Variants in NBAS observed in about 807,000 individuals in gnomAD.
The protein encoded by NBAS is NAG/BC035112 fusion.
NBAS carries 219 observed loss-of-function variants against 302.5 expected under a neutral mutation model. That is an observed-to-expected ratio of 0.72 (90% CI 0.65 to 0.81). NBAS has a LOEUF of 0.81. NBAS is among the 30% of genes least tolerant of loss of function. NBAS has a pLI of 0.00. For synonymous variants in NBAS, 1,118 were observed against 1,021.6 expected (o/e 1.09, Z -1.80); for missense variants, 2,932 against 2,841.6 (o/e 1.03, Z -0.72).
the NBAS span, among the ~76,000 whole-genome samples, chr2:14,879,579 G>A: frequency 6.6e-6 from 1 of 152,010 alleles, no homozygotes; most frequent in African/African-American, 2.4e-5. Context: ...ACCAAGATTT[G>A]TGATTAAGGA....
chr2:15,181,908 A>C (rs1664843518), intron 50 of NBAS, among the ~76,000 whole-genome samples: 1 of 152,216 alleles, frequency 6.6e-6, no homozygotes, highest in Admixed American at 6.5e-5. Flanking sequence ...GCAGAGACCG[A>C]GGGGCTTATC....
At chr2:15,375,535 C>G (rs146179469) in intron 30 of NBAS, among the ~76,000 whole-genome samples, 5 of 152,090 alleles carry the variant, frequency 3.3e-5, no homozygotes, top group African/African-American at 1.2e-4. Context: ...AGCCTGCTCT[C>G]GTAAAACTGG....
the NBAS span, among the ~76,000 whole-genome samples, chr2:15,113,139 A>G: frequency 2.0e-5 from 3 of 152,132 alleles, no homozygotes; most frequent in East Asian, 1.9e-4. Flanking sequence ...TGAATGTGGG[A>G]TAGAGAAATA....
intron 14 of NBAS, 95 bp from the exon 15 acceptor site, chr2:15,474,419 G>A (rs926166825): frequency 2.4e-6 from 3 of 1,273,440 alleles, no homozygotes; most frequent in Admixed American, 2.5e-5. Flanking sequence ...ATCTACTCTG[G>A]TTTGATTCAT....
At chr2:15,070,325 C>T in the NBAS span, among the ~76,000 whole-genome samples, 4,141 of 152,248 alleles carry the variant, frequency 0.027, 168 homozygotes, top group African/African-American at 0.094. Context: ...AGGGTCCACC[C>T]TGGTCCCTCT....
At chr2:15,287,027 T>C in intron 42 of NBAS, 46 bp downstream of exon 42, 1 of 1,472,370 alleles carries the variant, frequency 6.8e-7, no homozygotes, top group East Asian at 2.3e-5. Context: ...AAATAGACTC[T>C]AAAGAAAGAC....
chr2:15,415,773 C>T (rs552756849), intron 24 of NBAS, 54 bp from the exon 25 acceptor site: 5 of 1,585,838 alleles, frequency 3.2e-6, no homozygotes, highest in Admixed American at 3.3e-5. Flanking sequence ...AAACTAAATG[C>T]CTTATTATAT....
At chr2:15,098,413 ATATTGTATATTATATATTATATATTG>A in the NBAS span, among the ~76,000 whole-genome samples, 1 of 101,400 alleles carries the variant, frequency 9.9e-6, no homozygotes, top group Non-Finnish European at 1.7e-5. Context: ...TATATATGAT[ATATTGTATATTATATATTATATATTG>A]TATATTGTAT....
chr2:15,257,458 T>C (rs1668654364), intron 44 of NBAS, among the ~76,000 whole-genome samples: 1 of 149,872 alleles, frequency 6.7e-6, no homozygotes, highest in African/African-American at 2.4e-5. Context: ...AGTGGCACAA[T>C]CTTGGTTCAC....
At chr2:15,492,122 G>A (rs1680882852) in intron 11 of NBAS, among the ~76,000 whole-genome samples, 1 of 152,136 alleles carries the variant, frequency 6.6e-6, no homozygotes, top group African/African-American at 2.4e-5. Flanking sequence ...CACAAAAGTA[G>A]AAATTACAGT....
the NBAS span, among the ~76,000 whole-genome samples, chr2:14,965,521 A>T: frequency 5.3e-5 from 8 of 152,344 alleles, no homozygotes; most frequent in Admixed American, 5.2e-4. Flanking sequence ...AAAGAAAGTG[A>T]ATTTGCAGTT....
At chr2:15,097,862 C>A in the NBAS span, among the ~76,000 whole-genome samples, 2 of 138,362 alleles carry the variant, frequency 1.4e-5, no homozygotes, top group South Asian at 2.2e-4. Context: ...ATGTAAAGCA[C>A]CTAACACATG....
At chr2:15,476,895 G>A (rs945387582) in intron 13 of NBAS, among the ~76,000 whole-genome samples, 1 of 152,250 alleles carries the variant, frequency 6.6e-6, no homozygotes, top group African/African-American at 2.4e-5. Context: ...TTAAACATTA[G>A]ACTAAGAAGA....
chr2:15,196,729 C>T (rs900371502), intron 48 of NBAS, among the ~76,000 whole-genome samples: 1 of 152,144 alleles, frequency 6.6e-6, no homozygotes. Flanking sequence ...ATAATGTTTA[C>T]ACTTGGATGA....
At chr2:14,948,432 A>T in the NBAS span, among the ~76,000 whole-genome samples, 3 of 152,264 alleles carry the variant, frequency 2.0e-5, no homozygotes, top group East Asian at 5.8e-4. Context: ...TACAAAAATC[A>T]GTAGCATTTA....
chr2:15,536,672 A>G, intron 7 of NBAS, 121 bp from the exon 8 acceptor site: 1 of 941,722 alleles, frequency 1.1e-6, no homozygotes, highest in African/African-American at 1.7e-5. Flanking sequence ...AGATAACTTC[A>G]GAATTGCTCT....
chr2:14,961,587 T>A, the NBAS span, among the ~76,000 whole-genome samples: 3 of 152,188 alleles, frequency 2.0e-5, no homozygotes, highest in African/African-American at 7.2e-5. Context: ...CAAATAAAGT[T>A]CCTTTATTTA....
chr2:14,890,176 G>T, the NBAS span, among the ~76,000 whole-genome samples: 2 of 152,162 alleles, frequency 1.3e-5, no homozygotes, highest in Non-Finnish European at 2.9e-5. Context: ...CCTTCCACTG[G>T]GGTGACTATG....
At position 15,436,039 on chromosome 2, in the gene NBAS, C is replaced by T. The variant is rs562409652; in HGVS notation, c.2340-8245G>A. On this transcript the variant is annotated intron_variant, in intron 21 of 51. Coordinates refer to ENST00000281513, the MANE Select transcript of NBAS (RefSeq NM_015909.4). ...AGGTATATATCACAATTATAAATTT[C>T]CAGATAAACAATCCACATGAGCTCA... Among the ~76,000 whole-genome samples, 5 of 152,192 alleles carry T rather than the reference C, an allele frequency of 3.3e-5. No individual in the cohort carries two copies. The South Asian group carries it at 8.3e-4, about 25-fold the overall frequency.
Sources: gnomAD v4.1 joint callset for allele counts (sites outside exome capture counted in the v4.1 genomes callset) on GRCh38, gnomAD v4.1.1 for gene constraint, MANE v1.5 for transcripts, NCBI Gene and HGNC (gene_info 2026-07-23, HGNC 2026-07-21) for gene names.